The following SHOC2 variants were observed in gnomAD, a reference collection of about 807,000 sequenced individuals.
SHOC2 encodes SHOC2 leucine rich repeat scaffold protein, also known as leucine-rich repeat protein SHOC-2.
SHOC2 carries 4 observed loss-of-function variants against 50.2 expected under a neutral mutation model. That is an observed-to-expected ratio of 0.08 (90% CI 0.04 to 0.18). The LOEUF (loss-of-function observed/expected upper bound fraction) is 0.18. SHOC2 is among the 10% of genes least tolerant of loss of function. The pLI is 1.00. For missense variants in SHOC2, 388 were observed against 669.6 expected (o/e 0.58, Z 4.64); for synonymous variants, 218 against 244.5 (o/e 0.89, Z 1.01).
intron 3 of SHOC2, among the ~76,000 whole-genome samples, chr10:110,994,163 A>G (rs567934329): frequency 1.3e-5 from 2 of 152,304 alleles, no homozygotes; most frequent in South Asian, 4.1e-4. Context: ...GCATACAGGA[A>G]ATTAAAATTT....
chr10:110,942,570 A>G (rs1330081971), intron 1 of SHOC2, among the ~76,000 whole-genome samples: 2 of 152,168 alleles, frequency 1.3e-5, no homozygotes, highest in Non-Finnish European at 2.9e-5. Context: ...TGTCTGCCAA[A>G]TACTAGAGAC....
At chr10:110,945,000 C>A (rs992967562) in intron 1 of SHOC2, among the ~76,000 whole-genome samples, 7 of 152,156 alleles carry the variant, frequency 4.6e-5, no homozygotes, top group African/African-American at 1.7e-4. Context: ...TGAGCATGTA[C>A]ACAGCCTTAG....
intron 1 of SHOC2, among the ~76,000 whole-genome samples, chr10:110,930,735 C>CCTTTTTTTTT (rs1846877944): frequency 1.0e-5 from 1 of 96,806 alleles, no homozygotes; most frequent in African/African-American, 3.4e-5. Context: ...ACGAGTAAAT[C>CCTTTTTTTTT]TTTTTTTTTT....
chr10:110,988,339 T>C (rs1268403496), intron 3 of SHOC2, among the ~76,000 whole-genome samples: 1 of 152,138 alleles, frequency 6.6e-6, no homozygotes, highest in Non-Finnish European at 1.5e-5. Flanking sequence ...GGACTTTTCT[T>C]TATGGGAATT....
chr10:110,984,982 C>A (rs967538491), intron 2 of SHOC2, among the ~76,000 whole-genome samples: 39 of 151,992 alleles, frequency 2.6e-4, no homozygotes, highest in African/African-American at 8.9e-4. Flanking sequence ...AACTGCTAGA[C>A]CTCCTAGATA....
chr10:110,919,528 CG>C (rs991537359), upstream of SHOC2: 2 of 78,622 alleles, frequency 2.5e-5, no homozygotes, highest in African/African-American at 4.4e-4. Context: ...AGTGGCGGGG[CG>C]GGCGGGGCGG....
intron 3 of SHOC2, among the ~76,000 whole-genome samples, chr10:110,998,261 A>G (rs1848305539): frequency 6.6e-6 from 1 of 152,102 alleles, no homozygotes; most frequent in African/African-American, 2.4e-5. Context: ...GACCTCCCAA[A>G]GTGCTGGGAT....
At chr10:110,921,516 CCAAGGT>C (rs1846650608) in intron 1 of SHOC2, among the ~76,000 whole-genome samples, 1 of 151,896 alleles carries the variant, frequency 6.6e-6, no homozygotes, top group African/African-American at 2.4e-5. Flanking sequence ...CTGCATTTTC[CCAAGGT>C]GCTTGTTCAG....
intron 1 of SHOC2, among the ~76,000 whole-genome samples, chr10:110,921,793 T>C (rs1282742753): frequency 3.3e-5 from 5 of 152,216 alleles, no homozygotes; most frequent in South Asian, 4.1e-4. Flanking sequence ...TTTATATCCA[T>C]TAACCATCCC....
chr10:110,960,837 G>A (rs1439986330), intron 1 of SHOC2, among the ~76,000 whole-genome samples: 6 of 152,014 alleles, frequency 3.9e-5, no homozygotes, highest in African/African-American at 7.2e-5. Context: ...CACCACGCCC[G>A]GCTAATTTTT....
intron 1 of SHOC2, among the ~76,000 whole-genome samples, chr10:110,922,956 G>C (rs954461246): frequency 1.3e-5 from 2 of 152,044 alleles, no homozygotes; most frequent in African/African-American, 4.8e-5. Flanking sequence ...TATTAAGTGA[G>C]TTGGTATTTT....
At chr10:110,976,684 G>A (rs540345535) in intron 2 of SHOC2, among the ~76,000 whole-genome samples, 2 of 152,100 alleles carry the variant, frequency 1.3e-5, no homozygotes, top group South Asian at 2.1e-4. Flanking sequence ...TCCCCCCTCA[G>A]TATTTTAGAG....
intron 1 of SHOC2, among the ~76,000 whole-genome samples, chr10:110,936,271 AT>A (rs111269195): frequency 2.1e-3 from 295 of 141,074 alleles, no homozygotes; most frequent in African/African-American, 2.2e-3. Context: ...TAATTTTTGT[AT>A]TTTTTTTTTT....
At chr10:111,003,638 A>G (rs2134172777) in intron 4 of SHOC2, among the ~76,000 whole-genome samples, 1 of 152,324 alleles carries the variant, frequency 6.6e-6, no homozygotes, top group Non-Finnish European at 1.5e-5. Flanking sequence ...GATTCAAAAC[A>G]GTTTATAGCC....
At chr10:110,948,257 A>G (rs1357392564) in intron 1 of SHOC2, among the ~76,000 whole-genome samples, 1 of 152,236 alleles carries the variant, frequency 6.6e-6, no homozygotes, top group African/African-American at 2.4e-5. Context: ...AAATCTTAAC[A>G]GAAATGATAG....
chr10:110,965,181 C>CT (rs1332313778), intron 2 of SHOC2, 120 bp downstream of exon 2: 35 of 835,386 alleles, frequency 4.2e-5, no homozygotes, highest in Non-Finnish European at 6.4e-5. Flanking sequence ...TAAATTACAA[C>CT]TTTTTTATGG....
intron 4 of SHOC2, among the ~76,000 whole-genome samples, chr10:111,001,871 C>T (rs1848382884): frequency 6.6e-6 from 1 of 152,058 alleles, no homozygotes; most frequent in Admixed American, 6.5e-5. Context: ...AACCCTGTCT[C>T]CACTAAAAAT....
At chr10:110,974,603 T>C (rs1477900558) in intron 2 of SHOC2, among the ~76,000 whole-genome samples, 1 of 152,188 alleles carries the variant, frequency 6.6e-6, no homozygotes, top group Non-Finnish European at 1.5e-5. Context: ...ATGGATTAAG[T>C]ATTTTTTAAA....
chr10:110,952,039 T>C (rs1164388329), intron 1 of SHOC2, among the ~76,000 whole-genome samples: 1 of 152,244 alleles, frequency 6.6e-6, no homozygotes, highest in Admixed American at 6.5e-5. Flanking sequence ...TAAGAGGTCA[T>C]CTGTAGATTG....
Sources: allele counts gnomAD v4.1 joint callset (sites outside exome capture counted in the v4.1 genomes callset), GRCh38; gene constraint gnomAD v4.1.1; transcripts MANE v1.5; gene names NCBI Gene and HGNC (gene_info 2026-07-23, HGNC 2026-07-21).